The following DCHS2 variants were observed in gnomAD, a reference collection of about 807,000 sequenced individuals.
DCHS2 encodes the protein dachsous cadherin-related 2, also known as protocadherin-23.
Under a neutral mutation model 182.4 loss-of-function variants are expected in DCHS2, and 142 were observed. The observed-to-expected ratio is 0.78, with a 90% CI of 0.68 to 0.89. The LOEUF is 0.89. Ranked by LOEUF, DCHS2 falls within the 40% of genes least tolerant of loss-of-function variation. DCHS2 has a pLI of 0.00. For missense variants in DCHS2, 4,319 were observed against 4,198.6 expected, an observed-to-expected ratio of 1.03 and a Z score of -0.79; for synonymous variants, 1,740 against 1,663.3, an observed-to-expected ratio of 1.05 and a Z score of -1.12.
At chr4:154,426,786 T>TAAAAA (rs372748862) in intron 1 of DCHS2, among the ~76,000 whole-genome samples, 152 of 148,022 alleles carry the variant, frequency 1.0e-3, no homozygotes, top group South Asian at 3.7e-3. Flanking sequence ...AAAAATAAAC[T>TAAAAA]TAAAAATAAA....
At chr4:154,270,707 T>G (rs560343772) in intron 13 of DCHS2, among the ~76,000 whole-genome samples, 1 of 151,162 alleles carries the variant, frequency 6.6e-6, no homozygotes, top group African/African-American at 2.4e-5. Flanking sequence ...ACTGCAATAG[T>G]CCAAGCAGAA....
At chr4:154,374,671 A>G (rs1357784569) in intron 2 of DCHS2, among the ~76,000 whole-genome samples, 1 of 152,200 alleles carries the variant, frequency 6.6e-6, no homozygotes, top group Non-Finnish European at 1.5e-5. Flanking sequence ...TAATATATTT[A>G]GACTCATTTT....
In DCHS2 at chr4:154,491,007, G is replaced by A. The variant is rs943539417; in HGVS notation, c.349C>T (p.His117Tyr). The A allele has an allele frequency of 6.4e-7, 1 of 1,550,618 alleles. No individual in the cohort carries two copies. The highest frequency in any genetic ancestry group is 8.7e-7 in the Non-Finnish European group (1 of 1,146,406). Residue 117 changes from histidine (H) to tyrosine (Y), a missense_variant, in exon 1 of 20, where the codon CAC (histidine) becomes TAC (tyrosine). His to Tyr is a moderately conservative substitution (Grantham distance 83). Transcript: ENST00000357232. ...SDDSPLLDDFHVHPDTGIIRT... is the reference protein window; with the variant it reads ...SDDSPLLDDFYVHPDTGIIRT... ...ATGATGCCGGTGTCCGGGTGCACGT[G>A]GAAGTCGTCCAGCAGCGGGGAGTCA...
chr4:154,380,376 A>G (rs1223764446), intron 1 of DCHS2, among the ~76,000 whole-genome samples: 1 of 152,132 alleles, frequency 6.6e-6, no homozygotes, highest in African/African-American at 2.4e-5. Context: ...ACTACAAAGA[A>G]CTAAACTCCA....
At chr4:154,316,291 T>A (rs1050882003) in intron 9 of DCHS2, among the ~76,000 whole-genome samples, 2 of 152,178 alleles carry the variant, frequency 1.3e-5, no homozygotes, top group Non-Finnish European at 2.9e-5. Flanking sequence ...CTACCTCCCT[T>A]TTAAAAAATA....
chr4:154,304,856 G>C lies in DCHS2; in HGVS notation c.5418C>G (p.Phe1806Leu), dbSNP rs763340501. The C allele has an allele frequency of 3.7e-6, 6 of 1,612,482 alleles. No individual in the cohort carries two copies. In the South Asian group the frequency reaches 6.6e-5, roughly 18 times the overall value. The change falls in exon 12 of 20, where the codon TTC becomes TTG. Residue 1806 changes from phenylalanine to leucine, a missense_variant. By Grantham distance (22) the Phe-to-Leu change is conservative (BLOSUM62 0). Transcript: ENST00000357232. ...TLRVLVRDGG[F>L]PSLSSTTTIL... ...TTGTTGTGGTGCTGGACAATGAAGG[G>C]AATCCCCCATCTCGTACTAGTACTG...
intron 1 of DCHS2, among the ~76,000 whole-genome samples, chr4:154,386,159 T>C (rs1334714747): frequency 1.3e-5 from 2 of 152,166 alleles, no homozygotes; most frequent in Non-Finnish European, 2.9e-5. Context: ...CCAAATCCTA[T>C]TACTCTCTTG....
chr4:154,450,337 G>A (rs567524993), intron 1 of DCHS2, among the ~76,000 whole-genome samples: 2 of 152,172 alleles, frequency 1.3e-5, no homozygotes, highest in Admixed American at 6.5e-5. Flanking sequence ...GTTTCAGGTG[G>A]ACTGGAATTC....
At chr4:154,302,350 T>C (rs764104739) in intron 12 of DCHS2, among the ~76,000 whole-genome samples, 1 of 152,244 alleles carries the variant, frequency 6.6e-6, no homozygotes, top group Non-Finnish European at 1.5e-5. Context: ...GACTGCGCTG[T>C]GCAGGCGTCT....
intron 1 of DCHS2, among the ~76,000 whole-genome samples, chr4:154,399,272 T>G (rs777545019): frequency 1.2e-4 from 18 of 152,218 alleles, no homozygotes; most frequent in Non-Finnish European, 2.2e-4. Flanking sequence ...CCCTTTGCTT[T>G]TAATCGTTCC....
chr4:154,464,422 C>A (rs530816706), intron 1 of DCHS2, among the ~76,000 whole-genome samples: 2 of 152,088 alleles, frequency 1.3e-5, no homozygotes, highest in East Asian at 3.9e-4. Context: ...TTCTAACTAA[C>A]CTGGTATACA....
At chr4:154,470,762 C>A (rs904950956) in intron 1 of DCHS2, among the ~76,000 whole-genome samples, 1 of 152,070 alleles carries the variant, frequency 6.6e-6, no homozygotes, top group African/African-American at 2.4e-5. Context: ...TTTGTCAAAC[C>A]ATCTTCCCCC....
chr4:154,449,167 G>A (rs1734427448), intron 1 of DCHS2, among the ~76,000 whole-genome samples: 1 of 150,886 alleles, frequency 6.6e-6, no homozygotes, highest in Admixed American at 6.6e-5. Flanking sequence ...AGAAGATGAG[G>A]TTTTATAATT....
At chr4:154,313,197 G>A (rs944657446) in intron 10 of DCHS2, among the ~76,000 whole-genome samples, 1 of 152,178 alleles carries the variant, frequency 6.6e-6, no homozygotes, top group Admixed American at 6.5e-5. Flanking sequence ...TCTTGGGAGT[G>A]GGGGAAGGGC....
chr4:154,470,218 C>T (rs1252065964), intron 1 of DCHS2, among the ~76,000 whole-genome samples: 5 of 152,254 alleles, frequency 3.3e-5, no homozygotes, highest in South Asian at 2.1e-4. Flanking sequence ...TGGCTCATTC[C>T]TGTAATTCCA....
intron 2 of DCHS2, among the ~76,000 whole-genome samples, chr4:154,371,831 A>T (rs538669643): frequency 6.6e-6 from 1 of 152,124 alleles, no homozygotes; most frequent in Non-Finnish European, 1.5e-5. Context: ...CTCACTCACT[A>T]TCAGGAGAAC....
intron 3 of DCHS2, among the ~76,000 whole-genome samples, chr4:154,341,097 G>A (rs1729047254): frequency 6.6e-6 from 1 of 152,124 alleles, no homozygotes; most frequent in Non-Finnish European, 1.5e-5. Flanking sequence ...GCCCGGGCGC[G>A]GTGGCTCACG....
At chr4:154,280,820 G>T (rs1045751775) in intron 13 of DCHS2, among the ~76,000 whole-genome samples, 2 of 146,806 alleles carry the variant, frequency 1.4e-5, no homozygotes, top group African/African-American at 5.3e-5. Context: ...AGACAAGAAT[G>T]CTCACTTCTT....
intron 1 of DCHS2, among the ~76,000 whole-genome samples, chr4:154,380,036 T>C (rs1472210252): frequency 1.3e-5 from 2 of 152,276 alleles, no homozygotes; most frequent in South Asian, 4.1e-4. Flanking sequence ...TGCTGCAATG[T>C]ATTATATAAC....
Sources: allele counts gnomAD v4.1 joint callset (sites outside exome capture counted in the v4.1 genomes callset), GRCh38; gene constraint gnomAD v4.1.1; transcripts MANE v1.5; gene names NCBI Gene and HGNC (gene_info 2026-07-23, HGNC 2026-07-21).